The following CTTNBP2 variants were observed in gnomAD, a reference collection of about 807,000 sequenced individuals.
The protein encoded by CTTNBP2 is cortactin-binding protein 2.
In CTTNBP2, 108 loss-of-function variants were observed where a neutral mutation model predicts 156.9. That is an observed-to-expected ratio of 0.69 (90% CI 0.59 to 0.81). The LOEUF (loss-of-function observed/expected upper bound fraction) is 0.81, where lower values mean the gene tolerates loss of function less well. Ranked by LOEUF, CTTNBP2 falls within the 30% of genes least tolerant of loss-of-function variation. CTTNBP2 has a pLI of 0.00. For missense variants in CTTNBP2, 1,924 were observed against 2,035.4 expected (o/e 0.95, Z 1.05); for synonymous variants, 767 against 751.8 (o/e 1.02, Z -0.33).
chr7:117,717,933 C>CT (rs1794535717), intron 22 of CTTNBP2, 85 bp downstream of exon 22: 2 of 845,546 alleles, frequency 2.4e-6, no homozygotes, highest in African/African-American at 1.7e-5. Context: ...AAAAATAACT[C>CT]TGTGATTCAC....
chr7:117,859,304 T>G (rs1563073514), intron 2 of CTTNBP2, among the ~76,000 whole-genome samples: 1 of 152,234 alleles, frequency 6.6e-6, no homozygotes, highest in Non-Finnish European at 1.5e-5. Context: ...CAAGTGCTGA[T>G]TATTAGCAAG....
chr7:117,743,710 C>T (rs776354877), intron 14 of CTTNBP2, among the ~76,000 whole-genome samples: 3 of 132,558 alleles, frequency 2.3e-5, no homozygotes, highest in Admixed American at 8.9e-5. Context: ...TGCAGTGAGC[C>T]GAGATCGTGC....
At position 117,777,701 on chromosome 7, in the gene CTTNBP2, A is replaced by T. The variant is rs1194246177; in HGVS notation, c.2588T>A (p.Met863Lys). ...TCCATGAGCTGGTATTCTATGGTAC[A>T]TAAGAAGCTTGAGGCTGTCCACATT... The part of the protein sequence containing the change: ...TGNVDSLKLL[M>K]YHRIPAHGNS... The change falls in exon 8 of 23, where the codon ATG becomes AAG. Residue 863 changes from methionine (M) to lysine (K), a missense_variant. Met to Lys is a moderately conservative substitution (Grantham distance 95). Coordinates refer to ENST00000160373, the MANE Select transcript of CTTNBP2 (RefSeq NM_033427.3). 1 of 1,614,082 alleles carries T rather than the reference A, an allele frequency of 6.2e-7. No individual in the cohort carries two copies. The highest frequency in any genetic ancestry group is 2.2e-5 in the East Asian group (1 of 44,884).
rs757242237 is a variant in CTTNBP2 at position 117,767,103 on chromosome 7, T to G, written c.2852A>C (p.His951Pro). The change falls in exon 9 of 23, where the codon CAT (histidine) becomes CCT (proline). Residue 951 changes from histidine (H) to proline (P), a missense_variant. Coordinates refer to ENST00000160373, the MANE Select transcript of CTTNBP2 (RefSeq NM_033427.3). Reference sequence around the variant, plus strand: ...CTTGCAGTCATCAGTGGCAACATCATGCACAGTCCGATTGCACTTGTCTCT... The same window carrying G: ...CTTGCAGTCATCAGTGGCAACATCAGGCACAGTCCGATTGCACTTGTCTCT... Reference protein sequence around the residue: ...ERRDKCNRTVHDVATDDCKHL... With the variant: ...ERRDKCNRTVPDVATDDCKHL... 1.2e-6 allele frequency: 2 copies of G among 1,612,340 alleles called. No homozygotes were observed. Among genetic ancestry groups the G allele is most frequent in the Non-Finnish European group, 1.7e-6 (2 of 1,178,496 alleles).
chr7:117,802,802 C>A (rs902518069), intron 3 of CTTNBP2, among the ~76,000 whole-genome samples: 1 of 152,078 alleles, frequency 6.6e-6, no homozygotes, highest in Admixed American at 6.6e-5. Context: ...TCACTAATAT[C>A]AGAGAAATGC....
chr7:117,758,872 C>T (rs1797033124), intron 10 of CTTNBP2, among the ~76,000 whole-genome samples: 1 of 152,184 alleles, frequency 6.6e-6, no homozygotes, highest in East Asian at 1.9e-4. Context: ...CCTTAGCATG[C>T]ACTGTTCACA....
chr7:117,774,917 C>A (rs1284479489), intron 8 of CTTNBP2, among the ~76,000 whole-genome samples: 1 of 152,088 alleles, frequency 6.6e-6, no homozygotes, highest in Non-Finnish European at 1.5e-5. Flanking sequence ...GTATTTTTTT[C>A]AGAAATCTGG....
At chr7:117,835,811 T>C (rs1801901669) in intron 2 of CTTNBP2, among the ~76,000 whole-genome samples, 1 of 152,222 alleles carries the variant, frequency 6.6e-6, no homozygotes, top group Admixed American at 6.5e-5. Context: ...GGTTTTCAAC[T>C]GCCTAGATTT....
chr7:117,869,499 A>C (rs940637787), intron 1 of CTTNBP2, among the ~76,000 whole-genome samples: 1 of 152,146 alleles, frequency 6.6e-6, no homozygotes, highest in African/African-American at 2.4e-5. Flanking sequence ...TCCTCGGAGG[A>C]GGAGGCTGCT....
intron 3 of CTTNBP2, among the ~76,000 whole-genome samples, chr7:117,794,788 A>T (rs544555794): frequency 6.6e-6 from 1 of 151,788 alleles, no homozygotes; most frequent in East Asian, 1.9e-4. Context: ...ACTTTATTCT[A>T]CTGGATAAAA....
chr7:117,777,769 A>C lies in CTTNBP2; in HGVS notation c.2524-4T>G, dbSNP rs754632757. 3 of 1,601,396 alleles carry C rather than the reference A, an allele frequency of 1.9e-6. No individual in the cohort carries two copies. The African/African-American group carries it at 4.0e-5, about 21-fold the overall frequency. On this transcript the variant is annotated splice_polypyrimidine_tract_variant and splice_region_variant and intron_variant, in intron 7 of 22. Transcript: ENST00000160373. ...CGTGAACTGGTGTCCAGCCATCCTG[A>C]AAATAAAATGACCAGGGGGAAAGGG...
intron 14 of CTTNBP2, among the ~76,000 whole-genome samples, chr7:117,738,134 G>A (rs1023762166): frequency 3.9e-5 from 6 of 152,188 alleles, no homozygotes; most frequent in African/African-American, 1.2e-4. Flanking sequence ...TGCAGGAATC[G>A]CTGGACCCAT....
chr7:117,845,912 G>A (rs753203564), intron 2 of CTTNBP2, among the ~76,000 whole-genome samples: 6 of 151,848 alleles, frequency 4.0e-5, no homozygotes, highest in African/African-American at 1.2e-4. Flanking sequence ...GTGCAGTGGC[G>A]AGATCTTGGC....
intron 2 of CTTNBP2, among the ~76,000 whole-genome samples, chr7:117,811,719 G>A (rs943747864): frequency 2.9e-4 from 44 of 151,740 alleles, no homozygotes; most frequent in African/African-American, 7.7e-4. Context: ...GTTAAATCAC[G>A]CATACAAAAA....
chr7:117,851,392 C>T (rs937541916), intron 2 of CTTNBP2, among the ~76,000 whole-genome samples: 53 of 152,106 alleles, frequency 3.5e-4, no homozygotes, highest in Admixed American at 6.6e-5. Context: ...AACCCCCTCA[C>T]ACACACACAA....
chr7:117,818,523 G>C (rs996503399), intron 2 of CTTNBP2, among the ~76,000 whole-genome samples: 1 of 152,124 alleles, frequency 6.6e-6, no homozygotes, highest in African/African-American at 2.4e-5. Context: ...ACACTTAGGG[G>C]TGTCAATTAA....
chr7:117,785,460 G>T (rs1310995074), intron 4 of CTTNBP2, among the ~76,000 whole-genome samples: 1 of 152,106 alleles, frequency 6.6e-6, no homozygotes, highest in South Asian at 2.1e-4. Flanking sequence ...TCCTTATAGG[G>T]TTCTAATACC....
chr7:117,792,215 A>G lies in CTTNBP2; in HGVS notation c.981T>C (p.Pro327=), dbSNP rs139442537. 383 of 1,614,210 alleles carry G rather than the reference A, an allele frequency of 2.4e-4. 2 individuals carry two copies. In the East Asian group the frequency reaches 8.2e-3, roughly 34 times the overall value. The part of the protein sequence containing the change: ...DHMKKLPLTM[P]VKPSTGSPLV... The stretch of plus-strand genomic sequence containing the variant: ...GGGGACTCCCTGTGGAAGGTTTTAC[A>G]GGCATGGTTAAAGGCAACTTTTTCA... The change falls in exon 4 of 23, where the codon CCT becomes CCC. Residue 327 remains proline, a synonymous_variant. Coordinates refer to ENST00000160373, the MANE Select transcript of CTTNBP2 (RefSeq NM_033427.3). This position sits in a 1 kb window ranked among gnomAD's most constrained non-coding sequence, Gnocchi z 4.2.
intron 3 of CTTNBP2, chr7:117,793,650 C>T (rs981227393): frequency 6.6e-6 from 1 of 152,284 alleles, no homozygotes; most frequent in African/African-American, 2.4e-5. Flanking sequence ...GATTTCCCTA[C>T]TCACCCAGCT....
Sources: gnomAD v4.1 joint callset for allele counts (sites outside exome capture counted in the v4.1 genomes callset) on GRCh38, gnomAD v4.1.1 for gene constraint, Gnocchi (gnomAD v3.1) non-coding constraint, MANE v1.5 for transcripts, NCBI Gene and HGNC (gene_info 2026-07-23, HGNC 2026-07-21) for gene names.